MYO10: variants seen among roughly 807,000 people sequenced by gnomAD.
The protein encoded by MYO10 is unconventional myosin-X.
Under a neutral mutation model 257.3 loss-of-function variants are expected in MYO10, and 133 were observed. The observed-to-expected ratio is 0.52, with a 90% confidence interval of 0.45 to 0.60. The LOEUF (loss-of-function observed/expected upper bound fraction) is 0.60, where lower values mean the gene tolerates loss of function less well. Among genes scored for constraint, MYO10 ranks in the 20% least tolerant of loss-of-function variants. The pLI is 0.00. For missense variants in MYO10, 2,399 were observed against 2,635.7 expected (o/e 0.91, Z 1.97); for synonymous variants, 1,104 against 1,028.6 (o/e 1.07, Z -1.40).
At chr5:16,795,116 C>G (rs1023477577) in intron 3 of MYO10, among the ~76,000 whole-genome samples, 1 of 141,898 alleles carries the variant, frequency 7.0e-6, no homozygotes, top group Non-Finnish European at 1.6e-5. Flanking sequence ...CCCCGCTGAC[C>G]TCACCAATCT....
At chr5:16,885,680 CA>C (rs1400899992) in intron 1 of MYO10, among the ~76,000 whole-genome samples, 1 of 144,980 alleles carries the variant, frequency 6.9e-6, no homozygotes, top group African/African-American at 2.5e-5. Flanking sequence ...TCAACAAAAA[CA>C]ACAAAAAAAA....
intron 19 of MYO10, among the ~76,000 whole-genome samples, chr5:16,720,480 G>T (rs1334254800): frequency 1.3e-5 from 2 of 151,800 alleles, no homozygotes; most frequent in Non-Finnish European, 2.9e-5. Flanking sequence ...TTGAGACGGA[G>T]TCTCGCTCTG....
Position 16,846,339 on chromosome 5 carries a change from T to C in MYO10, c.121-28172A>G, listed in dbSNP as rs112382917. On this transcript the variant is annotated intron_variant, in intron 2 of 40. Transcript: ENST00000513610. ...AAACCACCTTGAAGTCACTCAAGGATGACAGTCACTTCTGTGTGTGAGACA... is the reference window on the plus strand; with the variant it reads ...AAACCACCTTGAAGTCACTCAAGGACGACAGTCACTTCTGTGTGTGAGACA... Among the ~76,000 whole-genome samples the C allele has an allele frequency of 7.1e-3, 1,077 of 152,312 alleles. 8 individuals carry two copies. Among genetic ancestry groups the C allele is most frequent in the African/African-American group, 0.024 (1,000 of 41,566 alleles).
chr5:16,675,124 G>A lies in MYO10; in HGVS notation c.4693C>T (p.Leu1565Phe). 5.0e-6 allele frequency: 8 copies of A among 1,613,866 alleles called. No homozygotes were observed. Among genetic ancestry groups the A allele is most frequent in the Non-Finnish European group, 6.8e-6 (8 of 1,179,888 alleles). The change falls in exon 35 of 41, where the codon CTT becomes TTT. Residue 1565 changes from leucine to phenylalanine, a missense_variant. Coordinates refer to ENST00000513610, the MANE Select transcript of MYO10 (RefSeq NM_012334.3). Reference protein sequence around the residue: ...NLLKDKGYTTLQDEAIKIFNS... With the variant: ...NLLKDKGYTTFQDEAIKIFNS... ...AATATCTTGATGGCCTCATCCTGAA[G>A]GGTGGTATAGCCTTTGTCTTTGAGC...
intron 1 of MYO10, among the ~76,000 whole-genome samples, chr5:16,912,311 T>G (rs368504587): frequency 8.5e-5 from 13 of 152,248 alleles, no homozygotes; most frequent in African/African-American, 3.1e-4. Context: ...GATCTCTCTT[T>G]AACAACTAGA....
rs77079390 is a variant in MYO10 at position 16,907,740 on chromosome 5, C to A, written c.21+28048G>T. Among the ~76,000 whole-genome samples the A allele has an allele frequency of 1.0e-3, 159 of 152,266 alleles. No individual in the cohort carries two copies. The East Asian group carries it at 0.026, about 25-fold the overall frequency. On this transcript the variant is annotated intron_variant, in intron 1 of 40. Coordinates refer to ENST00000513610, the MANE Select transcript of MYO10 (RefSeq NM_012334.3). ...TTTATGGTTTGGTTTTTAAATGTAA[C>A]TATCATAGAAAACATAAGAAATCTA...
Position 16,936,052 on chromosome 5 carries a change from T to C in MYO10, c.-244A>G, listed in dbSNP as rs1207368705. 1 of 537,678 alleles carries C rather than the reference T, an allele frequency of 1.9e-6. No homozygotes were observed. The highest frequency in any genetic ancestry group is 3.3e-6 in the Non-Finnish European group (1 of 301,920). The allele number at this position is 537,678 out of a possible 1,614,324, so 33.3% of individuals were successfully genotyped here. On this transcript the variant is annotated 5_prime_UTR_variant, in exon 1 of 41. It removes the in-frame stop codon of an upstream open reading frame in the 5' UTR. Coordinates refer to ENST00000513610, the MANE Select transcript of MYO10 (RefSeq NM_012334.3). ...TCTCTTCTTCCTCCAAGTTCCTCAC[T>C]ACTGGGCGCAGCGCTCGCAAGCGGA...
intron 19 of MYO10, among the ~76,000 whole-genome samples, chr5:16,740,901 C>G (rs1434416555): frequency 6.6e-6 from 1 of 151,454 alleles, no homozygotes; most frequent in Admixed American, 6.6e-5. Context: ...AAAAAAAACC[C>G]AACATTCTCA....
intron 2 of MYO10, among the ~76,000 whole-genome samples, chr5:16,856,671 G>A (rs13174277): frequency 6.6e-6 from 1 of 152,076 alleles, no homozygotes; most frequent in Non-Finnish European, 1.5e-5. Flanking sequence ...TCTTGTCTTA[G>A]AGAGTCTTGC....
At chr5:16,846,797 T>G (rs185176349) in intron 2 of MYO10, among the ~76,000 whole-genome samples, 118 of 152,338 alleles carry the variant, frequency 7.7e-4, no homozygotes, top group African/African-American at 2.6e-3. Flanking sequence ...GCCATCAACA[T>G]TTTGCTAATG....
At chr5:16,862,210 C>T (rs552983336) in intron 2 of MYO10, among the ~76,000 whole-genome samples, 32 of 152,270 alleles carry the variant, frequency 2.1e-4, no homozygotes, top group African/African-American at 6.3e-4. Context: ...TCCAAACACA[C>T]GTTTAAAGTT....
At chr5:16,789,179 G>A (rs1263511168) in intron 4 of MYO10, among the ~76,000 whole-genome samples, 1 of 152,228 alleles carries the variant, frequency 6.6e-6, no homozygotes, top group Non-Finnish European at 1.5e-5. Context: ...GGAACACAGT[G>A]CAGGCTGTGC....
At chr5:16,893,196 C>CAAACAAAAAA (rs538239809) in intron 1 of MYO10, among the ~76,000 whole-genome samples, 4 of 69,570 alleles carry the variant, frequency 5.7e-5, no homozygotes, top group Non-Finnish European at 5.4e-5. Flanking sequence ...GACTCTGTCT[C>CAAACAAAAAA]AAAAAAAAAA....
chr5:16,924,282 T>A (rs1195471879), intron 1 of MYO10, among the ~76,000 whole-genome samples: 1 of 152,104 alleles, frequency 6.6e-6, no homozygotes, highest in Admixed American at 6.6e-5. Flanking sequence ...GATGGCCTTC[T>A]CCTGGTTCAC....
chr5:16,689,280 T>C (rs1737383990), intron 28 of MYO10, among the ~76,000 whole-genome samples: 2 of 152,212 alleles, frequency 1.3e-5, no homozygotes, highest in Admixed American at 1.3e-4. Flanking sequence ...TTTAGAATAT[T>C]AGCCTGAAAT....
At chr5:16,755,804 G>C (rs537155593) in intron 18 of MYO10, among the ~76,000 whole-genome samples, 7 of 147,102 alleles carry the variant, frequency 4.8e-5, no homozygotes, top group African/African-American at 1.8e-4. Context: ...ACCAGCTTCA[G>C]CTCAGGGCTA....
At chr5:16,767,330 C>T (rs541694) in intron 10 of MYO10, among the ~76,000 whole-genome samples, 23,003 of 151,684 alleles carry the variant, frequency 0.15, 1,807 homozygotes, top group East Asian at 0.17. Flanking sequence ...GCCACCAAGC[C>T]CGGCTAATTT....
intron 2 of MYO10, among the ~76,000 whole-genome samples, chr5:16,822,812 C>A (rs868813826): frequency 1.3e-5 from 2 of 151,920 alleles, no homozygotes; most frequent in Admixed American, 6.5e-5. Context: ...CTCAGCCTCC[C>A]GCGTAGCTGG....
rs547852179 is a variant in MYO10, at chr5:16,816,154, A to C, written c.279+1855T>G. On this transcript the variant is annotated intron_variant, in intron 3 of 40. Transcript: ENST00000513610. The stretch of plus-strand genomic sequence containing the variant: ...TCAGGAGATCGAGACCATCCTGACC[A>C]ACATGGTGACCTTGTCTCTACTGAA... Among the ~76,000 whole-genome samples the C allele has an allele frequency of 9.5e-4, 145 of 152,002 alleles. 1 individual carries two copies. The highest frequency in any genetic ancestry group is 6.8e-3 in the Middle Eastern group (2 of 294).
Sources: allele counts gnomAD v4.1 joint callset (sites outside exome capture counted in the v4.1 genomes callset), GRCh38; gene constraint gnomAD v4.1.1; transcripts MANE v1.5; gene names NCBI Gene and HGNC (gene_info 2026-07-23, HGNC 2026-07-21).